Variants in FBXW10 observed in about 807,000 individuals in gnomAD.
FBXW10 encodes the protein F-box and WD repeat domain containing 10, also known as F-box/WD repeat-containing protein 10.
A neutral mutation model predicts 113.1 loss-of-function variants in FBXW10; 68 were observed. That is an observed-to-expected ratio of 0.60 (90% CI 0.49 to 0.74). The LOEUF (loss-of-function observed/expected upper bound fraction) is 0.74. Among genes scored for constraint, FBXW10 ranks in the 30% least tolerant of loss-of-function variants. The probability of loss-of-function intolerance (pLI) is 0.00; values close to 1 mark genes in which losing one functional copy is unlikely to be tolerated. For synonymous variants in FBXW10, 289 were observed against 481.6 expected (o/e 0.60, Z 5.24); for missense variants, 753 against 1,284.5 (o/e 0.59, Z 6.32).
intron 1 of FBXW10, 84 bp from the exon 2 acceptor site, chr17:18,747,857 A>C (rs2035068399): frequency 6.3e-7 from 1 of 1,587,830 alleles, no homozygotes; most frequent in East Asian, 2.2e-5. Flanking sequence ...AGAAGGAAGA[A>C]AAAATGAAAA....
Position 18,768,592 on chromosome 17 carries a change from T to G in FBXW10, c.1763T>G (p.Leu588Arg). The G allele has an allele frequency of 6.2e-7, 1 of 1,614,042 alleles. No individual in the cohort carries two copies. Among genetic ancestry groups the G allele is most frequent in the Admixed American group, 1.7e-5 (1 of 60,006 alleles). ...CTGTTCTTTGACCAGTGGCATCTCC[T>G]CTCAGGAAGTACTGATGGCCTGGTC... ...KCLFFDQWHLLSGSTDGLVMA... is the reference protein window; with the variant it reads ...KCLFFDQWHLRSGSTDGLVMA... Residue 588 changes from leucine to arginine, a missense_variant, in exon 10 of 14, where the codon CTC becomes CGC. Leu to Arg is a moderately radical substitution (Grantham distance 102). Coordinates refer to ENST00000395665, the MANE Select transcript of FBXW10 (RefSeq NM_001267585.2).
At chr17:18,755,149 A>G (rs1323479861) in intron 5 of FBXW10, among the ~76,000 whole-genome samples, 1 of 151,944 alleles carries the variant, frequency 6.6e-6, no homozygotes, top group South Asian at 2.1e-4. Context: ...TGTAATCCCC[A>G]CTACTTAGGA....
Position 18,744,614 on chromosome 17 carries a change from T to C in FBXW10, c.370T>C (p.Trp124Arg), listed in dbSNP as rs774691557. 13 of 1,613,902 alleles carry C rather than the reference T, an allele frequency of 8.1e-6. No homozygotes were observed. The highest frequency in any genetic ancestry group is 4.4e-5 in the South Asian group (4 of 91,076). Residue 124 changes from tryptophan (W) to arginine (R), a missense_variant, in exon 1 of 14, where the codon TGG (tryptophan) becomes CGG (arginine). Trp to Arg is a moderately radical substitution (Grantham distance 101, BLOSUM62 -3). Transcript: ENST00000395665. ...VEQKMKEILYWFANSTQWTKA... is the reference protein window; with the variant it reads ...VEQKMKEILYRFANSTQWTKA... ...ACAGAAGATGAAAGAGATCTTGTAC[T>C]GGTTTGCGAACAGCACCCAGTGGAC...
intron 13 of FBXW10, 40 bp downstream of exon 13, chr17:18,775,232 G>C (rs776718779): frequency 2.1e-6 from 3 of 1,398,992 alleles, no homozygotes. Context: ...GGAACAAGTG[G>C]CACGGATGGT....
chr17:18,768,026 T>TCTTCCTTCCTTCTTTC (rs2035533466), intron 9 of FBXW10, among the ~76,000 whole-genome samples: 1 of 135,680 alleles, frequency 7.4e-6, no homozygotes. Context: ...TTCCTTCCTT[T>TCTTCCTTCCTTCTTTC]CTTCCTTCCT....
At position 18,748,046 on chromosome 17, in the gene FBXW10, C is replaced by G; in HGVS notation, c.611C>G (p.Ser204Cys). 3 of 1,613,854 alleles carry G rather than the reference C, an allele frequency of 1.9e-6. No homozygotes were observed. In the African/African-American group the frequency reaches 4.0e-5, roughly 22 times the overall value. Residue 204 changes from serine to cysteine, a missense_variant, in exon 2 of 14, where the codon TCC (serine) becomes TGC (cysteine). Transcript: ENST00000395665. ...TGGACAGCCAAAACTCAGCACACAT[C>G]CCTTCCTTTGTCCAAAGCCCCAGAA... ...VYWTAKTQHT[S>C]LPLSKAPENE...
intron 7 of FBXW10, among the ~76,000 whole-genome samples, chr17:18,763,123 G>A (rs1319324967): frequency 6.7e-6 from 1 of 150,350 alleles, no homozygotes; most frequent in Non-Finnish European, 1.5e-5. Context: ...GTTTTTATGT[G>A]CCAAGCCTCA....
chr17:18,769,581 A>G (rs1357732497), intron 10 of FBXW10: 2 of 197,114 alleles, frequency 1.0e-5, no homozygotes, highest in African/African-American at 2.3e-5. Context: ...TTTCATGACC[A>G]GCCTGACTAA....
intron 5 of FBXW10, among the ~76,000 whole-genome samples, chr17:18,751,375 G>A (rs1483976552): frequency 1.3e-5 from 2 of 151,970 alleles, no homozygotes; most frequent in Admixed American, 6.6e-5. Context: ...ACAGGAGCCC[G>A]CCACCACGCC....
chr17:18,768,058 C>CCTTCCTTCT (rs1716413637), intron 9 of FBXW10, among the ~76,000 whole-genome samples: 1 of 145,632 alleles, frequency 6.9e-6, no homozygotes, highest in Non-Finnish European at 1.5e-5. Flanking sequence ...TTCCTTCTTT[C>CCTTCCTTCT]TTTCTTTCTT....
chr17:18,768,996 C>A (rs930952393), intron 10 of FBXW10, among the ~76,000 whole-genome samples: 1 of 131,914 alleles, frequency 7.6e-6, no homozygotes, highest in East Asian at 2.3e-4. Flanking sequence ...AGTGCAGTGG[C>A]GCAATCTTGG....
chr17:18,771,634 G>C (rs1295630034), intron 11 of FBXW10, among the ~76,000 whole-genome samples: 1 of 152,076 alleles, frequency 6.6e-6, no homozygotes, highest in Admixed American at 6.6e-5. Flanking sequence ...AGGAGAAGAG[G>C]CCTCCCCATT....
chr17:18,748,427 A>G (rs1357247898), intron 2 of FBXW10, among the ~76,000 whole-genome samples: 1 of 149,418 alleles, frequency 6.7e-6, no homozygotes, highest in Non-Finnish European at 1.5e-5. Context: ...AAAAAAAAAA[A>G]AAAAAGAAAG....
chr17:18,765,252 T>C, intron 8 of FBXW10, among the ~76,000 whole-genome samples: 1 of 152,242 alleles, frequency 6.6e-6, no homozygotes, highest in Middle Eastern at 3.2e-3. Context: ...ACCAGTTTTG[T>C]GACAGATGCT....
Position 18,744,613 on chromosome 17 carries a change from C to T in FBXW10, c.369C>T (p.Tyr123=), listed in dbSNP as rs531699302. 160 of 1,613,890 alleles carry T rather than the reference C, an allele frequency of 9.9e-5. 6 individuals are homozygous for T. In the South Asian group the frequency reaches 1.6e-3, roughly 17 times the overall value. The change falls in exon 1 of 14, where the codon TAC becomes TAT. Residue 123 remains tyrosine (Y), a synonymous_variant. Transcript: ENST00000395665. ...TVEQKMKEIL[Y]WFANSTQWTK... The stretch of plus-strand genomic sequence containing the variant: ...AACAGAAGATGAAAGAGATCTTGTA[C>T]TGGTTTGCGAACAGCACCCAGTGGA...
intron 5 of FBXW10, 131 bp downstream of exon 5, chr17:18,751,184 C>T (rs748702838): frequency 3.3e-5 from 40 of 1,197,018 alleles, no homozygotes; most frequent in African/African-American, 6.2e-5. Flanking sequence ...TTAAGGAAGA[C>T]GAGAGTTCTG....
chr17:18,759,770 A>C (rs1476086252), intron 7 of FBXW10, among the ~76,000 whole-genome samples: 2 of 150,894 alleles, frequency 1.3e-5, no homozygotes, highest in African/African-American at 4.9e-5. Flanking sequence ...CCGCCACCAC[A>C]CCAGGCTATT....
intron 2 of FBXW10, among the ~76,000 whole-genome samples, chr17:18,748,408 CAAAAAAAAAAAAA>C (rs57336039): frequency 0.01 from 519 of 51,454 alleles, 4 homozygotes; most frequent in African/African-American, 0.032. Context: ...GAGACTGTCT[CAAAAAAAAAAAAA>C]AAAAAAAAAA....
intron 1 of FBXW10, 186 bp downstream of exon 1, chr17:18,744,935 T>G: frequency 1.4e-6 from 2 of 1,447,368 alleles, no homozygotes; most frequent in Non-Finnish European, 1.8e-6. Context: ...GAGAAATGAC[T>G]GAGTGTAACT....
Sources: gnomAD v4.1 joint callset for allele counts (sites outside exome capture counted in the v4.1 genomes callset) on GRCh38, gnomAD v4.1.1 for gene constraint, MANE v1.5 for transcripts, NCBI Gene and HGNC (gene_info 2026-07-23, HGNC 2026-07-21) for gene names.